The following PTPRN2 variants were observed in gnomAD, a reference collection of about 807,000 sequenced individuals.
PTPRN2 encodes the protein protein tyrosine phosphatase receptor type N2.
PTPRN2 carries 74 observed loss-of-function variants against 118.8 expected under a neutral mutation model. The ratio of observed to expected loss-of-function variants is 0.62; its 90% CI spans 0.52 to 0.76. The LOEUF is 0.76. Ranked by LOEUF, PTPRN2 falls within the 30% of genes least tolerant of loss-of-function variation. PTPRN2 has a pLI of 0.00. For synonymous variants in PTPRN2, 641 were observed against 608.0 expected (o/e 1.05, Z -0.80); for missense variants, 1,481 against 1,394.4 (o/e 1.06, Z -0.99).
At chr7:158,033,460 A>C (rs1192547475) in intron 11 of PTPRN2, among the ~76,000 whole-genome samples, 1 of 152,084 alleles carries the variant, frequency 6.6e-6, no homozygotes, top group Non-Finnish European at 1.5e-5. Flanking sequence ...GGCCCCTCGG[A>C]CCACACCTGA....
rs910042096 is a variant in PTPRN2 at position 157,903,210 on chromosome 7, A to G, written c.1724-4473T>C. ...GCGCTCACATGGAAGTGGGGACCAG[A>G]CATCGGGTACTTACAGCCATAGAGA... On this transcript the variant is annotated intron_variant, in intron 11 of 22. Coordinates refer to ENST00000389418, the MANE Select transcript of PTPRN2 (RefSeq NM_002847.5). This position sits in a 1 kb window ranked among gnomAD's most constrained non-coding sequence, Gnocchi z 4.2. 6.6e-6 allele frequency among the ~76,000 whole-genome samples: 1 copy of G among 152,284 alleles called. No homozygotes were observed. The highest frequency in any genetic ancestry group is 3.4e-3 in the Middle Eastern group (1 of 294).
At chr7:158,246,921 G>A (rs1217743085) in intron 3 of PTPRN2, among the ~76,000 whole-genome samples, 3 of 152,140 alleles carry the variant, frequency 2.0e-5, no homozygotes, top group Admixed American at 6.5e-5. Context: ...AGGAATGCGC[G>A]GCCTGTTGAG....
rs373912542 is a variant in PTPRN2 at position 157,743,389 on chromosome 7, C to T, written c.1789-60452G>A. Among the ~76,000 whole-genome samples the T allele has an allele frequency of 1.1e-4, 16 of 152,306 alleles. No homozygotes were observed. In the East Asian group the frequency reaches 1.9e-3, roughly 18 times the overall value. ...GCTCACGGTGGGACCAGCCTGCAAT[C>T]GGTGCGGCGGGCTATGCTTAGGGCC... On this transcript the variant is annotated intron_variant, in intron 12 of 22. Coordinates refer to ENST00000389418, the MANE Select transcript of PTPRN2 (RefSeq NM_002847.5).
rs143754708 is a variant in PTPRN2 at position 158,443,678 on chromosome 7, G to A, written c.163+46057C>T. Among the ~76,000 whole-genome samples, 651 of 152,222 alleles carry A rather than the reference G, an allele frequency of 4.3e-3. 3 individuals are homozygous for A. The highest frequency in any genetic ancestry group is 7.5e-3 in the Non-Finnish European group (508 of 68,000). On this transcript the variant is annotated intron_variant, in intron 2 of 22. Transcript: ENST00000389418. ...CGTGCGAGCTGCTTGTCCCCACCTGGGCGAGCCACCTCTTCCTACCAGGGG... is the reference window on the plus strand; with the variant it reads ...CGTGCGAGCTGCTTGTCCCCACCTGAGCGAGCCACCTCTTCCTACCAGGGG...
At chr7:158,368,948 C>T (rs751801704) in intron 2 of PTPRN2, among the ~76,000 whole-genome samples, 8 of 152,086 alleles carry the variant, frequency 5.3e-5, no homozygotes, top group African/African-American at 1.2e-4. Flanking sequence ...TCTGTGAGGG[C>T]GTTGCCGAAG....
chr7:158,244,727 A>AGTGT (rs10580741), intron 3 of PTPRN2, among the ~76,000 whole-genome samples: 3 of 151,036 alleles, frequency 2.0e-5, no homozygotes, highest in African/African-American at 7.3e-5. Context: ...TTAGAGTGAA[A>AGTGT]GTGTGTGTGT....
At chr7:158,319,484 T>C (rs1586240212) in intron 2 of PTPRN2, among the ~76,000 whole-genome samples, 1 of 28,250 alleles carries the variant, frequency 3.5e-5, no homozygotes, top group Non-Finnish European at 7.2e-5. Context: ...AAGCACAGCC[T>C]CCCTCACACT....
intron 2 of PTPRN2, among the ~76,000 whole-genome samples, chr7:158,352,835 G>A (rs1383239603): frequency 6.6e-6 from 1 of 152,208 alleles, no homozygotes; most frequent in Non-Finnish European, 1.5e-5. Context: ...TTTTCGAATG[G>A]AGACATTAAC....
intron 2 of PTPRN2, among the ~76,000 whole-genome samples, chr7:158,423,999 G>C (rs768923295): frequency 2.0e-5 from 3 of 152,120 alleles, no homozygotes; most frequent in African/African-American, 7.2e-5. Flanking sequence ...TTTTTTAGAC[G>C]AGAAAGATTA....
intron 17 of PTPRN2, among the ~76,000 whole-genome samples, chr7:157,589,043 C>T (rs6459798): frequency 0.16 from 24,509 of 152,172 alleles, 2,484 homozygotes; most frequent in African/African-American, 0.28. Context: ...CAACCGTCAC[C>T]GTCACCACGC....
chr7:158,542,094 T>C (rs1826018884), intron 1 of PTPRN2, among the ~76,000 whole-genome samples: 1 of 152,270 alleles, frequency 6.6e-6, no homozygotes, highest in African/African-American at 2.4e-5. Flanking sequence ...AATAAAACCA[T>C]GAGTTTTCTA....
chr7:158,163,249 C>T (rs574217272), intron 6 of PTPRN2, among the ~76,000 whole-genome samples: 1 of 151,792 alleles, frequency 6.6e-6, no homozygotes, highest in East Asian at 1.9e-4. Context: ...TCAATTCTCT[C>T]TATTTCTTAG....
At chr7:158,092,067 G>A (rs112075777) in intron 10 of PTPRN2, among the ~76,000 whole-genome samples, 1,924 of 145,750 alleles carry the variant, frequency 0.013, 39 homozygotes, top group African/African-American at 0.046. Flanking sequence ...GATAGGTAGA[G>A]AGATGGTTGG....
rs76436628 is a variant in PTPRN2 at position 157,760,219 on chromosome 7, G to A, written c.1789-77282C>T. 9.0e-3 allele frequency among the ~76,000 whole-genome samples: 1,374 copies of A among 152,142 alleles called. 17 individuals carry two copies. Among genetic ancestry groups the A allele is most frequent in the African/African-American group, 0.031 (1,283 of 41,484 alleles). On this transcript the variant is annotated intron_variant, in intron 12 of 22. Transcript: ENST00000389418. The stretch of plus-strand genomic sequence containing the variant: ...TTCCCACGTGCTCAGGGGGTTCTGC[G>A]CCCTGCCCCAAATCTTACAGCTGAT...
chr7:158,474,426 T>C (rs951751466), intron 2 of PTPRN2, among the ~76,000 whole-genome samples: 1 of 152,224 alleles, frequency 6.6e-6, no homozygotes, highest in Non-Finnish European at 1.5e-5. Flanking sequence ...TTCCTTATCC[T>C]CTCAAATCTC....
intron 11 of PTPRN2, among the ~76,000 whole-genome samples, chr7:157,984,297 C>G (rs1339622346): frequency 6.9e-6 from 1 of 144,216 alleles, no homozygotes; most frequent in Non-Finnish European, 1.5e-5. Flanking sequence ...CCCCATCCCA[C>G]GCCAGGCTCC....
chr7:157,880,104 T>C (rs1409820577), intron 12 of PTPRN2, among the ~76,000 whole-genome samples: 1 of 152,174 alleles, frequency 6.6e-6, no homozygotes, highest in African/African-American at 2.4e-5. Context: ...AGGGATTAAA[T>C]ATTGTTTTTC....
intron 12 of PTPRN2, among the ~76,000 whole-genome samples, chr7:157,885,688 A>G (rs934151730): frequency 2.0e-5 from 3 of 152,252 alleles, no homozygotes. Flanking sequence ...GGAGTATACC[A>G]GGTGCGAATG....
chr7:157,585,841 A>G lies in PTPRN2; in HGVS notation c.2497-7701T>C, dbSNP rs747305731. Among the ~76,000 whole-genome samples the G allele has an allele frequency of 5.9e-5, 9 of 152,228 alleles. No individual in the cohort carries two copies. Among genetic ancestry groups the G allele is most frequent in the Non-Finnish European group, 1.2e-4 (8 of 68,036 alleles). ...AGAGCCTGCTGTTCTCAGCTGGAGC[A>G]GTAAGAATCAGTCAGAAAGGAAAGC... On this transcript the variant is annotated intron_variant, in intron 17 of 22. Coordinates refer to ENST00000389418, the MANE Select transcript of PTPRN2 (RefSeq NM_002847.5). The surrounding 1 kb of genome is among the most constrained non-coding windows in gnomAD (Gnocchi z 5.2).
Sources: allele counts gnomAD v4.1 joint callset (sites outside exome capture counted in the v4.1 genomes callset), GRCh38; gene constraint gnomAD v4.1.1; non-coding constraint Gnocchi (gnomAD v3.1); transcripts MANE v1.5; gene names NCBI Gene and HGNC (gene_info 2026-07-23, HGNC 2026-07-21).